EXTL3: variants seen among roughly 807,000 people sequenced by gnomAD.
EXTL3 encodes exostosin-like 3.
Under a neutral mutation model 69.3 loss-of-function variants are expected in EXTL3, and 27 were observed. That is an observed-to-expected ratio of 0.39 (90% CI 0.29 to 0.54). EXTL3 has a LOEUF of 0.54. Among genes scored for constraint, EXTL3 ranks in the 20% least tolerant of loss-of-function variants. EXTL3 has a pLI of 0.69. For missense variants in EXTL3, 1,003 were observed against 1,231.8 expected, an observed-to-expected ratio of 0.81 and a Z score of 2.78; for synonymous variants, 511 against 499.4, an observed-to-expected ratio of 1.02 and a Z score of -0.31.
At chr8:28,714,785 C>T (rs936499013) in intron 2 of EXTL3, among the ~76,000 whole-genome samples, 3 of 152,228 alleles carry the variant, frequency 2.0e-5, no homozygotes, top group East Asian at 1.9e-4. Context: ...TCGCTACAAG[C>T]GTCCTCCCAT....
intron 4 of EXTL3, among the ~76,000 whole-genome samples, chr8:28,735,941 C>T (rs1264569349): frequency 1.3e-5 from 2 of 152,044 alleles, no homozygotes; most frequent in Admixed American, 6.5e-5. Context: ...ATGTGAGGCC[C>T]CTAGGTAGTC....
At chr8:28,660,838 CTTTTTTTTTTTTTTTT>C (rs58151386) in intron 1 of EXTL3, among the ~76,000 whole-genome samples, 1 of 46,970 alleles carries the variant, frequency 2.1e-5, no homozygotes, top group Middle Eastern at 0.019. Context: ...CGATTTTTGG[CTTTTTTTTTTTTTTTT>C]TTTTTTTTTT....
intron 1 of EXTL3, among the ~76,000 whole-genome samples, chr8:28,671,301 T>C (rs1293389490): frequency 7.0e-6 from 1 of 143,344 alleles, no homozygotes; most frequent in Non-Finnish European, 1.5e-5. Flanking sequence ...TTTTATGTTT[T>C]GTTTTTTGTT....
chr8:28,619,266 TAAAAAAAAAAAAAAAAAAAAAAAAAAAA>T (rs755355444), upstream of EXTL3, among the ~76,000 whole-genome samples: 432 of 64,646 alleles, frequency 6.7e-3, 14 homozygotes, highest in African/African-American at 0.017. Flanking sequence ...AGCTTAGTGA[TAAAAAAAAAAAAAAAAAAAAAAAAAAAA>T]AAAAAAAAAA....
intron 2 of EXTL3, chr8:28,607,887 C>T (rs540943298): frequency 1.4e-3 from 210 of 151,596 alleles, no homozygotes; most frequent in African/African-American, 3.9e-3. Flanking sequence ...CCAAGGCGGG[C>T]GGATCACGAG....
chr8:28,616,684 C>T (rs985455913), intron 2 of EXTL3, among the ~76,000 whole-genome samples: 7 of 151,738 alleles, frequency 4.6e-5, no homozygotes, highest in African/African-American at 9.7e-5. Context: ...GGGCTGATAC[C>T]GCCTGAATGC....
intron 3 of EXTL3, 146 bp from the exon 4 acceptor site, chr8:28,731,077 A>C: frequency 2.3e-6 from 2 of 853,600 alleles, no homozygotes; most frequent in Non-Finnish European, 3.9e-6. Flanking sequence ...TATTCCTGAA[A>C]GGCATATGCT....
chr8:28,654,022 G>A (rs978826009), intron 1 of EXTL3, among the ~76,000 whole-genome samples: 1 of 152,120 alleles, frequency 6.6e-6, no homozygotes, highest in Non-Finnish European at 1.5e-5. Flanking sequence ...ATGAACATGG[G>A]ATGTCTTTCA....
At chr8:28,651,607 G>A (rs2130604115) in intron 1 of EXTL3, among the ~76,000 whole-genome samples, 1 of 152,216 alleles carries the variant, frequency 6.6e-6, no homozygotes, top group East Asian at 1.9e-4. Flanking sequence ...TTATAAGCAT[G>A]AGCCACCATG....
rs761340396 is a variant in EXTL3, at chr8:28,750,711, G to C, written c.2605G>C (p.Asp869His). 18 of 1,614,210 alleles carry C rather than the reference G, an allele frequency of 1.1e-5. No individual in the cohort carries two copies. Among genetic ancestry groups the C allele is most frequent in the African/African-American group, 2.7e-5 (2 of 75,054 alleles). Residue 869 changes from aspartate (D) to histidine (H), a missense_variant, in exon 7 of 7, where the codon GAT (aspartate) becomes CAT (histidine). Around this residue, in one of 2 missense-constraint regions of EXTL3, gnomAD observed 261 missense variants for 416.4 expected, o/e 0.63. Coordinates refer to ENST00000220562, the MANE Select transcript of EXTL3 (RefSeq NM_001440.4). This position sits in a 1 kb window ranked among gnomAD's most constrained non-coding sequence, Gnocchi z 5.2. ...AGGATGCCCTCAGGCCCTGTCTCATGATGACTCCCACTTCCACGAGCGGCA... is the reference window on the plus strand; with the variant it reads ...AGGATGCCCTCAGGCCCTGTCTCATCATGACTCCCACTTCCACGAGCGGCA... ...CPGCPQALSH[D>H]DSHFHERHKC... is the part of the protein sequence containing the mutation.
At chr8:28,694,752 C>T (rs1010956388) in intron 1 of EXTL3, among the ~76,000 whole-genome samples, 1 of 152,198 alleles carries the variant, frequency 6.6e-6, no homozygotes, top group African/African-American at 2.4e-5. Flanking sequence ...TGGCTCACAC[C>T]TGTAATCCCA....
intron 2 of EXTL3, among the ~76,000 whole-genome samples, chr8:28,614,689 C>G (rs973349869): frequency 1.3e-5 from 2 of 152,164 alleles, no homozygotes; most frequent in Non-Finnish European, 2.9e-5. Flanking sequence ...AAATTTTTCT[C>G]TCTGCATTGC....
chr8:28,704,137 T>TAG (rs1800869765), intron 1 of EXTL3, among the ~76,000 whole-genome samples: 1 of 152,272 alleles, frequency 6.6e-6, no homozygotes, highest in Admixed American at 6.5e-5. Context: ...AAACCTGTGA[T>TAG]CTTGAAAATA....
rs71222571 is a variant in EXTL3 at position 28,691,572 on chromosome 8, A to ATTTTTTTTTTTTTTTTTTTTTTTTTT, written c.-52-21873_-52-21872insTTTTTTTTTTTTTTTTTTTTTTTTTT. 6.4e-4 allele frequency among the ~76,000 whole-genome samples: 86 copies of ATTTTTTTTTTTTTTTTTTTTTTTTTT among 135,430 alleles called. 5 individuals carry two copies. The highest frequency in any genetic ancestry group is 2.5e-3 in the African/African-American group (78 of 30,974). The allele number at this position is 135,430 out of a possible 152,430, so 88.8% of individuals were successfully genotyped here. On this transcript the variant is annotated intron_variant, in intron 1 of 6. Transcript: ENST00000523149. ...TGGTAAATATTTATCAGTTTTTGTG[A>ATTTTTTTTTTTTTTTTTTTTTTTTTT]TTTTTTTTTTTTGCTATTGTGTTCC...
upstream of EXTL3, chr8:28,697,843 A>AT (rs1800709455): frequency 6.6e-6 from 1 of 152,004 alleles, no homozygotes; most frequent in Non-Finnish European, 1.5e-5. Flanking sequence ...AAAGAAAAAA[A>AT]AAAAAAAACT....
At chr8:28,742,346 G>A (rs1460425591) in intron 5 of EXTL3, 1 of 152,310 alleles carries the variant, frequency 6.6e-6, no homozygotes, top group Non-Finnish European at 1.5e-5. Context: ...ATGAGCAGGT[G>A]TGAGTGGCTC....
intron 1 of EXTL3, among the ~76,000 whole-genome samples, chr8:28,630,407 T>TTAACCCAA (rs1806555382): frequency 6.6e-6 from 1 of 152,132 alleles, no homozygotes; most frequent in Non-Finnish European, 1.5e-5. Flanking sequence ...TACTAATACA[T>TTAACCCAA]TAACCCACTA....
intron 3 of EXTL3, chr8:28,730,303 G>A (rs943910027): frequency 2.6e-5 from 4 of 152,316 alleles, no homozygotes; most frequent in Non-Finnish European, 5.9e-5. Flanking sequence ...TATTCTTCAT[G>A]AGATGCTCTT....
At chr8:28,708,424 G>T (rs1024751202) in intron 1 of EXTL3, among the ~76,000 whole-genome samples, 2 of 130,042 alleles carry the variant, frequency 1.5e-5, no homozygotes, top group South Asian at 2.5e-4. Flanking sequence ...CCTGGGAAGT[G>T]CCTTTTTTTT....
Sources: allele counts gnomAD v4.1 joint callset (sites outside exome capture counted in the v4.1 genomes callset), GRCh38; gene constraint gnomAD v4.1.1; regional missense constraint gnomAD v4.1.1; non-coding constraint Gnocchi (gnomAD v3.1); transcripts MANE v1.5; gene names NCBI Gene and HGNC (gene_info 2026-07-23, HGNC 2026-07-21).